C10orf90: variants seen among roughly 807,000 people sequenced by gnomAD.
The protein encoded by C10orf90 is (E2-independent) E3 ubiquitin-conjugating enzyme FATS.
Under a neutral mutation model 62.5 loss-of-function variants are expected in C10orf90, and 56 were observed. That is an observed-to-expected ratio of 0.90 (90% confidence interval 0.72 to 1.12). The LOEUF is 1.12. Ranked by LOEUF, C10orf90 falls within the 50% of genes most tolerant of loss-of-function variation. The probability of loss-of-function intolerance (pLI) is 0.00; values close to 1 mark genes in which losing one functional copy is unlikely to be tolerated. For missense variants in C10orf90, 970 were observed against 880.4 expected, an observed-to-expected ratio of 1.10 and a Z score of -1.29; for synonymous variants, 386 against 340.4, an observed-to-expected ratio of 1.13 and a Z score of -1.47.
chr10:126,669,718 T>C (rs537409909), intron 1 of C10orf90, among the ~76,000 whole-genome samples: 2,962 of 139,490 alleles, frequency 0.021, 49 homozygotes, highest in Middle Eastern at 0.046. Context: ...TTTTTTTTTT[T>C]ACAAAGTTGT....
chr10:126,597,894 G>A (rs1313905760), intron 2 of C10orf90, among the ~76,000 whole-genome samples: 1 of 152,144 alleles, frequency 6.6e-6, no homozygotes. Context: ...AACAAGATAA[G>A]ATGCATTAAG....
At chr10:126,559,959 T>A (rs1864864125) in intron 2 of C10orf90, among the ~76,000 whole-genome samples, 1 of 152,158 alleles carries the variant, frequency 6.6e-6, no homozygotes. Context: ...AATGTGAAAT[T>A]AGACACCGCG....
intron 2 of C10orf90, among the ~76,000 whole-genome samples, chr10:126,534,894 C>T (rs1244430412): frequency 6.6e-6 from 1 of 152,154 alleles, no homozygotes; most frequent in Non-Finnish European, 1.5e-5. Context: ...CCATGGAGGT[C>T]ACACTCACTC....
intron 2 of C10orf90, among the ~76,000 whole-genome samples, chr10:126,635,556 C>A (rs1220205639): frequency 6.6e-6 from 1 of 152,188 alleles, no homozygotes; most frequent in Non-Finnish European, 1.5e-5. Flanking sequence ...CAGTGATAAC[C>A]TGCTCCTTCC....
chr10:126,476,776 G>C (rs137945079), intron 4 of C10orf90, among the ~76,000 whole-genome samples: 2 of 152,158 alleles, frequency 1.3e-5, no homozygotes, highest in East Asian at 1.9e-4. Context: ...AGACCACTTA[G>C]GTATAGAAAA....
Position 126,442,633 on chromosome 10 carries a change from GTATATATATA to G in C10orf90, c.2189-12793_2189-12784del, listed in dbSNP as rs56368633. On this transcript the variant is annotated intron_variant, in intron 7 of 9. Transcript: ENST00000488181. Reference sequence around the variant, plus strand: ...AGTTCCCTACTATTATTGTGTGTGTGTATATATATATATATATATATATATATATATATAT... The same window carrying G: ...AGTTCCCTACTATTATTGTGTGTGTGTATATATATATATATATATATATAT... Among the ~76,000 whole-genome samples, 362 of 88,456 alleles carry G rather than the reference GTATATATATA, an allele frequency of 4.1e-3. 7 individuals are homozygous for G. The highest frequency in any genetic ancestry group is 0.015 in the African/African-American group (281 of 18,594). The allele number at this position is 88,456 out of a possible 152,430, so 58.0% of individuals were successfully genotyped here. A position where few individuals can be genotyped will look rare whatever the true frequency, so the allele number is the denominator to read the frequency against.
chr10:126,546,946 A>C (rs1051063469), intron 2 of C10orf90, among the ~76,000 whole-genome samples: 2 of 152,158 alleles, frequency 1.3e-5, no homozygotes, highest in African/African-American at 2.4e-5. Context: ...CCAACACGGC[A>C]AAACCCCAAC....
chr10:126,490,679 A>C (rs1402285722), intron 4 of C10orf90, among the ~76,000 whole-genome samples: 1 of 152,188 alleles, frequency 6.6e-6, no homozygotes, highest in Non-Finnish European at 1.5e-5. Context: ...AGAACTAGGC[A>C]TAAAAGGAAA....
rs116385875 is a variant in C10orf90, at chr10:126,425,434, T to C, written c.*430A>G. ...ACCCACATTTTGGCATTTGCATAAC[T>C]GGCAGGTGCTGAGATTGAAATTTAA... On this transcript the variant is annotated 3_prime_UTR_variant, in exon 10 of 10. Transcript: ENST00000488181. 6.3e-3 allele frequency: 1,149 copies of C among 183,420 alleles called. 17 individuals carry two copies. The highest frequency in any genetic ancestry group is 0.026 in the African/African-American group (1,095 of 42,394). The allele number at this position is 183,420 out of a possible 1,614,324, so 11.4% of individuals were successfully genotyped here.
intron 2 of C10orf90, among the ~76,000 whole-genome samples, chr10:126,582,541 G>A (rs1245326082): frequency 1.3e-5 from 2 of 152,212 alleles, no homozygotes; most frequent in Non-Finnish European, 2.9e-5. Context: ...CGGCGAGAAG[G>A]AGTTGGTGTT....
Sources: gnomAD v4.1 joint callset for allele counts (sites outside exome capture counted in the v4.1 genomes callset) on GRCh38, gnomAD v4.1.1 for gene constraint, MANE v1.5 for transcripts, NCBI Gene and HGNC (gene_info 2026-07-23, HGNC 2026-07-21) for gene names.